The following BCORL1 variants were observed in gnomAD, a reference collection of about 807,000 sequenced individuals.
BCORL1 encodes the protein BCL6 corepressor like 1, also known as BCL-6 corepressor-like protein 1.
In BCORL1, 7 loss-of-function variants were observed where a neutral mutation model predicts 87.6. That is an observed-to-expected ratio of 0.08 (90% CI 0.05 to 0.15). The LOEUF (loss-of-function observed/expected upper bound fraction) is 0.15. Among genes scored for constraint, BCORL1 ranks in the 10% least tolerant of loss-of-function variants. BCORL1 has a pLI of 1.00. For synonymous variants in BCORL1, 591 were observed against 634.4 expected (o/e 0.93, Z 1.03); for missense variants, 1,215 against 1,499.7 (o/e 0.81, Z 3.13).
rs746124425 is a variant in BCORL1 at position 130,013,458 on chromosome X, C to A, written c.686C>A (p.Ala229Asp). 35 of 1,208,797 alleles carry A rather than the reference C, an allele frequency of 2.9e-5. No individual in the cohort carries two copies. Among genetic ancestry groups the A allele is most frequent in the Non-Finnish European group, 3.7e-5 (33 of 894,935 alleles). ...DAFQVPLSVP[A>D]PVPHSGLVPV... ...TTCCAGGTTCCCCTCTCCGTCCCTG[C>A]CCCAGTCCCCCATTCAGGGCTTGTT... is the stretch of plus-strand genomic sequence containing the variant. Residue 229 changes from alanine to aspartate, a missense_variant, in exon 4 of 14, where the codon GCC becomes GAC. Around this residue, in one of 5 missense-constraint regions of BCORL1, gnomAD observed 861 missense variants for 1,010.0 expected, o/e 0.85. Coordinates refer to ENST00000540052, the MANE Select transcript of BCORL1 (RefSeq NM_001379451.1).
intron 12 of BCORL1, among the ~76,000 whole-genome samples, chrX:130,051,384 G>A (rs1932064418): frequency 8.9e-6 from 1 of 112,914 alleles, no homozygotes; most frequent in Admixed American, 9.3e-5. Context: ...GAGAAAGTCA[G>A]GATGGAATGC....
At chrX:130,030,221 A>G (rs1315664675) in intron 8 of BCORL1, among the ~76,000 whole-genome samples, 1 of 111,938 alleles carries the variant, frequency 8.9e-6, no homozygotes, top group Non-Finnish European at 1.9e-5. Context: ...GTTGCTGTGC[A>G]TCATTGTGCT....
chrX:130,025,410 G>A (rs778439528), intron 7 of BCORL1, 31 bp downstream of exon 7: 35 of 1,121,186 alleles, frequency 3.1e-5, no homozygotes, highest in South Asian at 4.5e-5. Flanking sequence ...TGCTGTCGCC[G>A]CGGCCCGTTT....
upstream of BCORL1, among the ~76,000 whole-genome samples, chrX:129,980,670 C>A (rs995493382): frequency 4.5e-5 from 5 of 110,527 alleles, no homozygotes; most frequent in African/African-American, 1.6e-4. Flanking sequence ...TACACCGGAC[C>A]GAATCGGGGA....
chrX:130,021,790 CT>C (rs34968660), intron 5 of BCORL1, among the ~76,000 whole-genome samples: 22 of 104,960 alleles, frequency 2.1e-4, no homozygotes, highest in Admixed American at 3.1e-4. Flanking sequence ...CTGGTCTGTT[CT>C]TTTTTTTTTT....
In BCORL1 at chrX:130,056,196, T is replaced by C. The variant is rs1932381925; in HGVS notation, c.*60T>C. On this transcript the variant is annotated 3_prime_UTR_variant, in exon 14 of 14. Transcript: ENST00000540052. ...CGAGTTCGCCCTTCCCCCACCTCCT[T>C]GTCTTTCCCCGACCGAGCACCAGAC... The C allele has an allele frequency of 9.4e-7, 1 of 1,069,068 alleles. No homozygotes were observed. The highest frequency in any genetic ancestry group is 1.9e-5 in the African/African-American group (1 of 53,406). The allele number at this position is 1,069,068 out of a possible 1,213,427, so 88.1% of individuals were successfully genotyped here.
At chrX:130,017,522 A>G (rs1165994623) in intron 4 of BCORL1, among the ~76,000 whole-genome samples, 2 of 111,774 alleles carry the variant, frequency 1.8e-5, no homozygotes, top group East Asian at 5.6e-4. Context: ...ACAGAGGCTC[A>G]GAGAGGATAC....
At chrX:130,033,110 C>G (rs1173856359) in intron 8 of BCORL1, among the ~76,000 whole-genome samples, 1 of 98,769 alleles carries the variant, frequency 1.0e-5, no homozygotes, top group East Asian at 3.1e-4. Context: ...GTAACAGAGT[C>G]TCACTCCATC....
chrX:129,980,399 C>T (rs1474193792), upstream of BCORL1, among the ~76,000 whole-genome samples: 1 of 112,844 alleles, frequency 8.9e-6, no homozygotes, highest in South Asian at 3.6e-4. Flanking sequence ...GTAAAGGGGG[C>T]GCCGTGAGGC....
chrX:129,994,417 G>C lies in BCORL1; in HGVS notation c.-44-10771G>C, dbSNP rs142821329. Among the ~76,000 whole-genome samples, 354 of 111,955 alleles carry C rather than the reference G, an allele frequency of 3.2e-3. 1 individual carries two copies. The highest frequency in any genetic ancestry group is 9.1e-3 in the Middle Eastern group (2 of 219). On this transcript the variant is annotated intron_variant, in intron 1 of 13. Transcript: ENST00000540052. ...GGGTTCCAGCACTAATGAGGAGAGT[G>C]AAAAGGACGTAGTATTGGTCTGGAT...
At chrX:129,999,684 T>TCCC (rs752561238) in intron 1 of BCORL1, among the ~76,000 whole-genome samples, 1 of 90,866 alleles carries the variant, frequency 1.1e-5, no homozygotes, top group African/African-American at 4.6e-5. Context: ...TAATTCTTTT[T>TCCC]CCCCCCCCCC....
intron 2 of BCORL1, among the ~76,000 whole-genome samples, chrX:130,007,283 A>G (rs1339464759): frequency 1.8e-5 from 2 of 112,666 alleles, no homozygotes. Flanking sequence ...TAGGATAAAA[A>G]GAGTCAAGAC....
Position 130,056,354 on chromosome X carries a change from G to A in BCORL1, c.*218G>A, listed in dbSNP as rs1932390878. ...TGTCGTCGTCATTGTTATCGTGGTT[G>A]CTGATGGGGGTGGAAAGTTGAACTC... On this transcript the variant is annotated 3_prime_UTR_variant, in exon 14 of 14. Transcript: ENST00000540052. 1 of 372,752 alleles carries A rather than the reference G, an allele frequency of 2.7e-6. No homozygotes were observed. The highest frequency in any genetic ancestry group is 2.6e-5 in the African/African-American group (1 of 38,363). 30.7% of individuals were successfully genotyped at this position (372,752 alleles called of 1,213,427 possible).
chrX:130,041,930 G>A (rs1931357174), intron 11 of BCORL1, among the ~76,000 whole-genome samples: 1 of 111,188 alleles, frequency 9.0e-6, no homozygotes, highest in African/African-American at 3.3e-5. Context: ...CCCGGCCCCA[G>A]AGAAGACTTT....
chrX:129,986,423 G>C (rs949002000), intron 1 of BCORL1, among the ~76,000 whole-genome samples: 1 of 111,856 alleles, frequency 8.9e-6, no homozygotes, highest in African/African-American at 3.3e-5. Context: ...GGAAAGCGTA[G>C]ATAAAGAGGG....
At chrX:129,987,155 T>C (rs1397185754) in intron 1 of BCORL1, among the ~76,000 whole-genome samples, 1 of 112,081 alleles carries the variant, frequency 8.9e-6, no homozygotes, top group Non-Finnish European at 1.9e-5. Flanking sequence ...TAAAGCTCTT[T>C]ACAATTTCAT....
intron 8 of BCORL1, among the ~76,000 whole-genome samples, chrX:130,029,649 TTC>T (rs752429247): frequency 2.2e-4 from 23 of 105,511 alleles, no homozygotes; most frequent in Non-Finnish European, 2.1e-4. Context: ...ATTTTTTTTT[TTC>T]TCTCTCTCTC....
At chrX:130,024,879 G>A (rs750729231) in intron 6 of BCORL1, 111 bp from the exon 7 acceptor site, 12 of 1,046,155 alleles carry the variant, frequency 1.1e-5, no homozygotes, top group Middle Eastern at 3.4e-4. Context: ...AACTGGCAGA[G>A]CCTGAACTTG....
At chrX:130,021,418 C>A in intron 5 of BCORL1, 1 of 346,326 alleles carries the variant, frequency 2.9e-6, no homozygotes, top group Non-Finnish European at 3.7e-6. Flanking sequence ...CAGTAGCCGA[C>A]CCATTTCCCC....
Sources: gnomAD v4.1 joint callset for allele counts (sites outside exome capture counted in the v4.1 genomes callset) on GRCh38, gnomAD v4.1.1 for gene constraint, gnomAD v4.1.1 regional missense constraint, MANE v1.5 for transcripts, NCBI Gene and HGNC (gene_info 2026-07-23, HGNC 2026-07-21) for gene names.